The following RANBP2 variants were observed in gnomAD, a reference collection of about 807,000 sequenced individuals.
RANBP2 encodes E3 SUMO-protein ligase RanBP2.
RANBP2 carries 57 observed loss-of-function variants against 303.6 expected under a neutral mutation model. That is an observed-to-expected ratio of 0.19 (90% confidence interval 0.15 to 0.23). RANBP2 has a LOEUF of 0.23. RANBP2 is among the 10% of genes least tolerant of loss of function. The pLI is 1.00. For synonymous variants in RANBP2, 1,167 were observed against 1,301.5 expected (o/e 0.90, Z 2.23); for missense variants, 3,138 against 3,780.8 (o/e 0.83, Z 4.46).
chr2:109,520,366 G>C, the RANBP2 span, among the ~76,000 whole-genome samples: 1 of 152,092 alleles, frequency 6.6e-6, no homozygotes, highest in Admixed American at 6.5e-5. Context: ...ACTTTGGGAG[G>C]CTGAGACAGG....
chr2:109,462,188 A>T, the RANBP2 span, among the ~76,000 whole-genome samples: 2 of 149,810 alleles, frequency 1.3e-5, no homozygotes, highest in African/African-American at 4.9e-5. Context: ...GCCATCTCGT[A>T]TGACATCTTG....
At chr2:109,239,149 A>G in the RANBP2 span, among the ~76,000 whole-genome samples, 1 of 152,136 alleles carries the variant, frequency 6.6e-6, no homozygotes, top group Non-Finnish European at 1.5e-5. Context: ...CTCTGTGAGC[A>G]CTTTGAGCTT....
the RANBP2 span, among the ~76,000 whole-genome samples, chr2:109,684,245 C>CTTTTTTTTTTTTTTTT: frequency 6.9e-5 from 6 of 87,152 alleles, 2 homozygotes; most frequent in Non-Finnish European, 8.6e-5. Flanking sequence ...CCCGGTCTTA[C>CTTTTTTTTTTTTTTTT]TTTTTTTTTT....
the RANBP2 span, among the ~76,000 whole-genome samples, chr2:109,684,337 G>A: frequency 1.4e-5 from 2 of 143,646 alleles, no homozygotes; most frequent in East Asian, 2.1e-4. Flanking sequence ...CGCCTCCCAG[G>A]TTTAAGCCAT....
At chr2:108,896,556 A>T in the RANBP2 span, 2 of 250,304 alleles carry the variant, frequency 8.0e-6, no homozygotes, top group South Asian at 1.7e-4. Flanking sequence ...CAGGGACCAG[A>T]TTCTTCACTT....
At chr2:108,925,938 A>G in the RANBP2 span, among the ~76,000 whole-genome samples, 1 of 152,124 alleles carries the variant, frequency 6.6e-6, no homozygotes, top group Non-Finnish European at 1.5e-5. Context: ...TTAAAAAAAC[A>G]TTGGCTCCAA....
chr2:108,850,858 G>T, the RANBP2 span, among the ~76,000 whole-genome samples: 1 of 152,084 alleles, frequency 6.6e-6, no homozygotes, highest in South Asian at 2.1e-4. Context: ...AGACTTCTGT[G>T]ACAAAATGTG....
the RANBP2 span, among the ~76,000 whole-genome samples, chr2:109,423,764 C>T: frequency 2.6e-5 from 4 of 152,094 alleles, no homozygotes; most frequent in Admixed American, 2.0e-4. Flanking sequence ...ATGGCGGCAC[C>T]GTCCTCAGGA....
chr2:109,235,344 C>CT, the RANBP2 span, among the ~76,000 whole-genome samples: 9 of 152,218 alleles, frequency 5.9e-5, no homozygotes, highest in Admixed American at 6.5e-5. Context: ...CTAGGGATCT[C>CT]TAAGGGCCAC....
At chr2:109,249,512 TC>T in the RANBP2 span, among the ~76,000 whole-genome samples, 61 of 46,394 alleles carry the variant, frequency 1.3e-3, no homozygotes, top group Non-Finnish European at 1.6e-3. Flanking sequence ...TTTCTTTCAT[TC>T]TTTCTTTTTC....
At chr2:108,991,298 T>C in the RANBP2 span, among the ~76,000 whole-genome samples, 487 of 152,342 alleles carry the variant, frequency 3.2e-3, 6 homozygotes, top group Non-Finnish European at 4.0e-3. Flanking sequence ...CTTATCTTCA[T>C]CATGTAAAGC....
chr2:109,184,947 C>T, the RANBP2 span, among the ~76,000 whole-genome samples: 1 of 152,268 alleles, frequency 6.6e-6, no homozygotes, highest in African/African-American at 2.4e-5. Context: ...CCATTTATTT[C>T]CACCTGAAAA....
At chr2:109,523,542 G>C in the RANBP2 span, among the ~76,000 whole-genome samples, 1 of 151,648 alleles carries the variant, frequency 6.6e-6, no homozygotes, top group African/African-American at 2.4e-5. Flanking sequence ...TGTGTAGAAT[G>C]GGTAGGTGCC....
At chr2:109,461,145 G>A in the RANBP2 span, among the ~76,000 whole-genome samples, 6 of 152,324 alleles carry the variant, frequency 3.9e-5, no homozygotes, top group Admixed American at 1.3e-4. Context: ...GCTCTAACCC[G>A]ATCATGTGTC....
the RANBP2 span, among the ~76,000 whole-genome samples, chr2:109,005,218 G>C: frequency 1.9e-4 from 29 of 152,198 alleles, 1 homozygote; most frequent in Non-Finnish European, 4.4e-5. Context: ...TCTGGTTCCT[G>C]AAGCACTGCA....
chr2:108,983,558 C>T, the RANBP2 span, among the ~76,000 whole-genome samples: 1 of 152,178 alleles, frequency 6.6e-6, no homozygotes, highest in East Asian at 1.9e-4. Context: ...TCAACAATCC[C>T]GCCCTTCCAG....
chr2:109,674,510 G>T, the RANBP2 span, among the ~76,000 whole-genome samples: 1 of 151,740 alleles, frequency 6.6e-6, no homozygotes, highest in Non-Finnish European at 1.5e-5. Context: ...GAGCCCAGAA[G>T]GTTGTGAGGC....
At chr2:108,872,931 A>C in the RANBP2 span, among the ~76,000 whole-genome samples, 1 of 152,184 alleles carries the variant, frequency 6.6e-6, no homozygotes, top group East Asian at 1.9e-4. Flanking sequence ...AGTCTCATCT[A>C]AATTAAATGT....
At chr2:109,526,870 A>G in the RANBP2 span, among the ~76,000 whole-genome samples, 1 of 152,044 alleles carries the variant, frequency 6.6e-6, no homozygotes. Context: ...ATGGCCTACA[A>G]ATGTGTTCTC....
Sources: gnomAD v4.1 joint callset for allele counts (sites outside exome capture counted in the v4.1 genomes callset) on GRCh38, gnomAD v4.1.1 for gene constraint, MANE v1.5 for transcripts, NCBI Gene and HGNC (gene_info 2026-07-23, HGNC 2026-07-21) for gene names.